The following FAT3 variants were observed in gnomAD, a reference collection of about 807,000 sequenced individuals.
FAT3 encodes the protein FAT atypical cadherin 3, also known as protocadherin Fat 3.
FAT3 carries 95 observed loss-of-function variants against 310.2 expected under a neutral mutation model. The observed-to-expected ratio is 0.31, with a 90% CI of 0.26 to 0.36. The LOEUF is 0.36. FAT3 is among the 10% of genes least tolerant of loss of function. The pLI is 1.00. For missense variants in FAT3, 5,408 were observed against 5,715.6 expected, an observed-to-expected ratio of 0.95 and a Z score of 1.74; for synonymous variants, 2,314 against 2,192.9, an observed-to-expected ratio of 1.06 and a Z score of -1.54.
chr11:92,704,099 C>T (rs1215285525), intron 4 of FAT3, among the ~76,000 whole-genome samples: 3 of 152,182 alleles, frequency 2.0e-5, no homozygotes, highest in Admixed American at 2.0e-4. Context: ...ATTGAATCAT[C>T]TTTTCTCGCT....
chr11:92,487,071 A>G (rs1338334273), intron 2 of FAT3, among the ~76,000 whole-genome samples: 1 of 152,192 alleles, frequency 6.6e-6, no homozygotes, highest in Non-Finnish European at 1.5e-5. Context: ...CAGGACAGCT[A>G]AGAGCACTGG....
chr11:92,763,150 C>T (rs1422358921), intron 5 of FAT3, among the ~76,000 whole-genome samples: 1 of 151,076 alleles, frequency 6.6e-6, no homozygotes, highest in Non-Finnish European at 1.5e-5. Context: ...CAGAGCAAGA[C>T]TCTGTCTCAA....
chr11:92,452,154 G>A (rs756486585), intron 2 of FAT3, among the ~76,000 whole-genome samples: 1 of 152,126 alleles, frequency 6.6e-6, no homozygotes, highest in Non-Finnish European at 1.5e-5. Context: ...CTAACTGTGG[G>A]TATACTGTCA....
chr11:92,686,700 T>A (rs1943642528), intron 3 of FAT3, among the ~76,000 whole-genome samples: 1 of 152,206 alleles, frequency 6.6e-6, no homozygotes, highest in Non-Finnish European at 1.5e-5. Flanking sequence ...TCCAGGTTTT[T>A]AAAATTGAGT....
At chr11:92,875,713 C>A (rs538069126) in intron 22 of FAT3, among the ~76,000 whole-genome samples, 2 of 152,242 alleles carry the variant, frequency 1.3e-5, no homozygotes, top group Admixed American at 1.3e-4. Context: ...CTCTTGGGAC[C>A]CTGTATGAGT....
intron 26 of FAT3, 34 bp from the exon 27 acceptor site, chr11:92,889,822 T>C: frequency 1.4e-6 from 1 of 717,802 alleles, no homozygotes; most frequent in Non-Finnish European, 2.6e-6. Context: ...TGGTTTGGAC[T>C]GTCAGTTTTA....
At position 92,797,920 on chromosome 11, in the gene FAT3, A is replaced by C. The variant is rs773352197; in HGVS notation, c.4907A>C (p.Gln1636Pro). 5 of 1,613,770 alleles carry C rather than the reference A, an allele frequency of 3.1e-6. No individual in the cohort carries two copies. The highest frequency in any genetic ancestry group is 1.1e-5 in the South Asian group (1 of 91,070). ...GAACCAGACATGACGACGATGGGTC[A>C]GTTTGTCCTATCCATCAAAGTCACA... ...CKEPDMTTMG[Q>P]FVLSIKVTDQ... The change falls in exon 10 of 28, where the codon CAG becomes CCG. Residue 1636 changes from glutamine (Q) to proline (P), a missense_variant. Around this residue, in one of 5 missense-constraint regions of FAT3, gnomAD observed 4,588 missense variants for 4,809.8 expected, o/e 0.95. Coordinates refer to ENST00000525166, the MANE Select transcript of FAT3 (RefSeq NM_001367949.2).
chr11:92,243,385 T>C (rs1187447557), intron 1 of FAT3, among the ~76,000 whole-genome samples: 1 of 152,018 alleles, frequency 6.6e-6, no homozygotes, highest in Non-Finnish European at 1.5e-5. Context: ...TTAAGTTTTC[T>C]TTTGGGGCTT....
chr11:92,736,520 T>C (rs527800006), intron 4 of FAT3, among the ~76,000 whole-genome samples: 1 of 152,184 alleles, frequency 6.6e-6, no homozygotes, highest in Admixed American at 6.5e-5. Flanking sequence ...GAAAAAGAAG[T>C]AATGGCAATT....
chr11:92,359,156 T>C (rs1404523493), intron 2 of FAT3, among the ~76,000 whole-genome samples: 1 of 152,170 alleles, frequency 6.6e-6, no homozygotes, highest in Non-Finnish European at 1.5e-5. Context: ...CCTCCTCATG[T>C]GGTTTGCAAA....
At chr11:92,500,561 C>T (rs1235544966) in intron 2 of FAT3, among the ~76,000 whole-genome samples, 3 of 152,028 alleles carry the variant, frequency 2.0e-5, no homozygotes, top group Non-Finnish European at 4.4e-5. Context: ...TTCTATCTCT[C>T]TCCCTGGAAA....
chr11:92,832,120 C>T, intron 14 of FAT3, 109 bp downstream of exon 14: 1 of 1,232,854 alleles, frequency 8.1e-7, no homozygotes, highest in Non-Finnish European at 1.1e-6. Context: ...CGAGTGAGTC[C>T]AGGAGTTCAG....
At chr11:92,840,461 C>A in intron 17 of FAT3, 101 bp from the exon 18 acceptor site, 1 of 1,145,582 alleles carries the variant, frequency 8.7e-7, no homozygotes, top group Admixed American at 2.8e-5. Flanking sequence ...GCACTCTCAG[C>A]CTGAAATGAT....
At chr11:92,360,223 A>G (rs1426856262) in intron 2 of FAT3, among the ~76,000 whole-genome samples, 1 of 152,238 alleles carries the variant, frequency 6.6e-6, no homozygotes. Flanking sequence ...ACAGACAAAC[A>G]GAGAGCCAAA....
At chr11:92,774,542 T>G (rs1347820839) in intron 7 of FAT3, among the ~76,000 whole-genome samples, 3 of 152,086 alleles carry the variant, frequency 2.0e-5, no homozygotes, top group African/African-American at 7.2e-5. Flanking sequence ...ACCTCCTCAT[T>G]TTTTTTAGTC....
intron 2 of FAT3, among the ~76,000 whole-genome samples, chr11:92,437,663 T>C (rs1410759819): frequency 6.6e-6 from 1 of 152,258 alleles, no homozygotes; most frequent in East Asian, 1.9e-4. Context: ...GGTTAGGATA[T>C]TCCAGTAAAG....
At chr11:92,428,510 G>C (rs1950690997) in intron 2 of FAT3, among the ~76,000 whole-genome samples, 2 of 152,058 alleles carry the variant, frequency 1.3e-5, no homozygotes, top group South Asian at 4.2e-4. Flanking sequence ...ACTTTCTCCT[G>C]TGGGCATTTA....
rs750016214 is a variant in FAT3 at position 92,799,234 on chromosome 11, T to C, written c.6221T>C (p.Ile2074Thr). 4.3e-6 allele frequency: 7 copies of C among 1,613,892 alleles called. No homozygotes were observed. Among genetic ancestry groups the C allele is most frequent in the South Asian group, 2.2e-5 (2 of 91,076 alleles). Residue 2074 changes from isoleucine (I) to threonine (T), a missense_variant, in exon 10 of 28, where the codon ATT (isoleucine) becomes ACT (threonine). Ile to Thr is a moderately conservative substitution (Grantham distance 89). Coordinates refer to ENST00000525166, the MANE Select transcript of FAT3 (RefSeq NM_001367949.2). The part of the protein sequence containing the change: ...RVARVVVRVN[I>T]EDINDNSPVF... ...GCCAGAGTGGTGGTCAGGGTTAACA[T>C]TGAAGACATAAATGACAATTCTCCA...
At chr11:92,839,629 G>A (rs1414698638) in intron 17 of FAT3, among the ~76,000 whole-genome samples, 1 of 152,138 alleles carries the variant, frequency 6.6e-6, no homozygotes, top group Non-Finnish European at 1.5e-5. Context: ...CCAAACTGTA[G>A]TGTATCATCG....
Sources: gnomAD v4.1 joint callset for allele counts (sites outside exome capture counted in the v4.1 genomes callset) on GRCh38, gnomAD v4.1.1 for gene constraint, gnomAD v4.1.1 regional missense constraint, MANE v1.5 for transcripts, NCBI Gene and HGNC (gene_info 2026-07-23, HGNC 2026-07-21) for gene names.